The following CYP19A1 variants were observed in gnomAD, a reference collection of about 807,000 sequenced individuals.
CYP19A1 encodes cytochrome P450 family 19 subfamily A member 1.
Under a neutral mutation model 44.4 loss-of-function variants are expected in CYP19A1, and 32 were observed. The observed-to-expected ratio is 0.72, with a 90% CI of 0.54 to 0.97. The LOEUF (loss-of-function observed/expected upper bound fraction) is 0.97. Among genes scored for constraint, CYP19A1 ranks in the 50% least tolerant of loss-of-function variants. The pLI, the probability that CYP19A1 is intolerant of heterozygous loss-of-function variation, is 0.00. For missense variants in CYP19A1, 598 were observed against 637.8 expected, an observed-to-expected ratio of 0.94 and a Z score of 0.67; for synonymous variants, 212 against 215.6, an observed-to-expected ratio of 0.98 and a Z score of 0.14.
At chr15:51,270,890 G>A (rs1248922371) in intron 1 of CYP19A1, among the ~76,000 whole-genome samples, 1 of 152,102 alleles carries the variant, frequency 6.6e-6, no homozygotes, top group Non-Finnish European at 1.5e-5. Context: ...TGGCCCTGTG[G>A]GTCTTGAGGC....
intron 3 of CYP19A1, among the ~76,000 whole-genome samples, chr15:51,236,470 T>C (rs2033400595): frequency 6.6e-6 from 1 of 152,252 alleles, no homozygotes; most frequent in Admixed American, 6.5e-5. Flanking sequence ...GTTTTTTCTT[T>C]GTTTGTTTGG....
intron 1 of CYP19A1, among the ~76,000 whole-genome samples, chr15:51,315,206 C>T (rs1035850994): frequency 2.0e-5 from 3 of 152,184 alleles, no homozygotes; most frequent in African/African-American, 7.2e-5. Flanking sequence ...TCCCCACCTT[C>T]ACCACCACCG....
Position 51,322,682 on chromosome 15 carries a change from G to A in CYP19A1, c.-39+15813C>T, listed in dbSNP as rs28973137. Among the ~76,000 whole-genome samples, 1,367 of 151,794 alleles carry A rather than the reference G, an allele frequency of 9.0e-3. 25 individuals are homozygous for A. The highest frequency in any genetic ancestry group is 0.032 in the African/African-American group (1,315 of 41,360). On this transcript the variant is annotated intron_variant, in intron 1 of 9. Transcript: ENST00000396402. Reference sequence around the variant, plus strand: ...CCATCCTTGCATCACCCCCACCCCCGCTTCCCCACTAGGATTTTGCAAGTG... The same window carrying A: ...CCATCCTTGCATCACCCCCACCCCCACTTCCCCACTAGGATTTTGCAAGTG...
At chr15:51,293,324 A>G (rs1331999696) in intron 1 of CYP19A1, among the ~76,000 whole-genome samples, 1 of 152,328 alleles carries the variant, frequency 6.6e-6, no homozygotes, top group East Asian at 1.9e-4. Context: ...GAATTTGCAC[A>G]ATTGTAAACA....
At chr15:51,309,230 T>A (rs934338590) in intron 1 of CYP19A1, among the ~76,000 whole-genome samples, 7 of 152,190 alleles carry the variant, frequency 4.6e-5, no homozygotes, top group Admixed American at 3.3e-4. Context: ...CTTTCTGCTA[T>A]GTGAGAATAC....
intron 1 of CYP19A1, among the ~76,000 whole-genome samples, chr15:51,260,107 C>A (rs1467255727): frequency 6.6e-6 from 1 of 152,238 alleles, no homozygotes; most frequent in African/African-American, 2.4e-5. Context: ...CAGCAACTGT[C>A]TCCCAGTGAG....
chr15:51,247,463 ATT>A (rs1215174124), intron 1 of CYP19A1, among the ~76,000 whole-genome samples: 4 of 139,504 alleles, frequency 2.9e-5, no homozygotes, highest in African/African-American at 1.2e-4. Flanking sequence ...TTTTATTTTT[ATT>A]TTTATTTATT....
chr15:51,259,903 G>T (rs2034651371), intron 1 of CYP19A1, among the ~76,000 whole-genome samples: 1 of 152,234 alleles, frequency 6.6e-6, no homozygotes, highest in Non-Finnish European at 1.5e-5. Context: ...GCAATGCATG[G>T]TGTTAGGATT....
intron 1 of CYP19A1, chr15:51,277,391 A>T (rs916873271): frequency 4.6e-5 from 7 of 152,220 alleles, no homozygotes; most frequent in African/African-American, 1.4e-4. Context: ...TGGGTACCTG[A>T]AAAAAGCAAA....
chr15:51,310,935 C>T (rs1035284476), intron 1 of CYP19A1, among the ~76,000 whole-genome samples: 29 of 152,192 alleles, frequency 1.9e-4, no homozygotes, highest in African/African-American at 6.0e-4. Context: ...ACTGAGCTGA[C>T]GTTGAGACCA....
At chr15:51,274,221 C>G (rs936196245) in intron 1 of CYP19A1, among the ~76,000 whole-genome samples, 1 of 152,162 alleles carries the variant, frequency 6.6e-6, no homozygotes, top group African/African-American at 2.4e-5. Context: ...TGTTTGGAGA[C>G]AAGGACCCTA....
chr15:51,285,534 T>C (rs541480031), intron 1 of CYP19A1, among the ~76,000 whole-genome samples: 1 of 152,346 alleles, frequency 6.6e-6, no homozygotes, highest in South Asian at 2.1e-4. Flanking sequence ...AGGGTTTGCA[T>C]GTCTGACATA....
chr15:51,263,269 C>A (rs761978533), intron 1 of CYP19A1, among the ~76,000 whole-genome samples: 2 of 152,152 alleles, frequency 1.3e-5, no homozygotes, highest in Non-Finnish European at 2.9e-5. Context: ...GTATAAAGGG[C>A]TGCTGAGTGG....
chr15:51,262,948 A>G (rs1274974528), intron 1 of CYP19A1, among the ~76,000 whole-genome samples: 1 of 152,214 alleles, frequency 6.6e-6, no homozygotes, highest in East Asian at 1.9e-4. Flanking sequence ...TAATCACCCA[A>G]ATAAGTACTT....
chr15:51,288,601 C>T (rs560686368), intron 1 of CYP19A1, among the ~76,000 whole-genome samples: 43 of 152,304 alleles, frequency 2.8e-4, no homozygotes, highest in Middle Eastern at 3.4e-3. Flanking sequence ...TCCTCTCAGC[C>T]TCCTCCTTTG....
Position 51,227,814 on chromosome 15 carries a change from T to C in CYP19A1, c.416A>G (p.Glu139Gly). ...GAAGGGTCGAGTTGTTTTCCAGAGC[T>C]CTGGATTGTTGTTAAATATGATGCC... is the stretch of plus-strand genomic sequence containing the variant. ...EKGIIFNNNP[E>G]LWKTTRPFFM... is the part of the protein sequence containing the mutation. Residue 139 changes from glutamate (E) to glycine (G), a missense_variant, in exon 4 of 10, where the codon GAG (glutamate) becomes GGG (glycine). Transcript: ENST00000396402. The C allele has an allele frequency of 6.4e-7, 1 of 1,550,532 alleles. No individual in the cohort carries two copies. The highest frequency in any genetic ancestry group is 8.9e-7 in the Non-Finnish European group (1 of 1,122,180).
At chr15:51,268,115 C>T (rs996369770) in intron 1 of CYP19A1, among the ~76,000 whole-genome samples, 5 of 152,214 alleles carry the variant, frequency 3.3e-5, no homozygotes, top group African/African-American at 1.2e-4. Context: ...AGGACTTCGC[C>T]AAAGCATAAG....
At chr15:51,270,895 T>G (rs11636639) in intron 1 of CYP19A1, among the ~76,000 whole-genome samples, 66,513 of 151,900 alleles carry the variant, frequency 0.44, 14,702 homozygotes, top group African/African-American at 0.46. Context: ...CTGTGGGTCT[T>G]GAGGCCTGAC....
intron 7 of CYP19A1, 65 bp from the exon 8 acceptor site, chr15:51,215,297 G>C: frequency 5.2e-5 from 82 of 1,590,974 alleles, no homozygotes; most frequent in Middle Eastern, 1.7e-4. Flanking sequence ...ATGAGGGGAG[G>C]TGACACTCAA....
Sources: allele counts gnomAD v4.1 joint callset (sites outside exome capture counted in the v4.1 genomes callset), GRCh38; gene constraint gnomAD v4.1.1; transcripts MANE v1.5; gene names NCBI Gene and HGNC (gene_info 2026-07-23, HGNC 2026-07-21).